Variants in FERMT2 observed in about 807,000 individuals in gnomAD.
FERMT2 encodes the protein FERM domain containing kindlin 2, also known as fermitin family homolog 2.
FERMT2 carries 15 observed loss-of-function variants against 82.7 expected under a neutral mutation model. The observed-to-expected ratio is 0.18, with a 90% CI of 0.12 to 0.28. The LOEUF is 0.28. FERMT2 is among the 10% of genes least tolerant of loss of function. The probability of loss-of-function intolerance (pLI) is 1.00; values close to 1 mark genes in which losing one functional copy is unlikely to be tolerated. For synonymous variants in FERMT2, 274 were observed against 271.5 expected, an observed-to-expected ratio of 1.01 and a Z score of -0.09; for missense variants, 645 against 809.4, an observed-to-expected ratio of 0.80 and a Z score of 2.46.
chr14:52,910,591 T>C (rs1888259999), intron 3 of FERMT2, among the ~76,000 whole-genome samples: 2 of 152,194 alleles, frequency 1.3e-5, no homozygotes, highest in Non-Finnish European at 2.9e-5. Context: ...ACAGAAGCAC[T>C]GATCTGAAAG....
chr14:52,866,360 C>T (rs929539640), intron 10 of FERMT2, among the ~76,000 whole-genome samples: 1 of 152,112 alleles, frequency 6.6e-6, no homozygotes, highest in Non-Finnish European at 1.5e-5. Flanking sequence ...TTTGAGGAAC[C>T]CTATGCTGCA....
At chr14:52,911,948 C>T (rs562424177) in intron 3 of FERMT2, among the ~76,000 whole-genome samples, 1 of 152,166 alleles carries the variant, frequency 6.6e-6, no homozygotes, top group Non-Finnish European at 1.5e-5. Context: ...TCCTGGTTTC[C>T]TCCAAATGGA....
At chr14:52,921,215 T>C (rs1446682836) in intron 2 of FERMT2, among the ~76,000 whole-genome samples, 1 of 152,210 alleles carries the variant, frequency 6.6e-6, no homozygotes, top group Non-Finnish European at 1.5e-5. Context: ...GTTCTCATTA[T>C]GGAAGAAACA....
chr14:52,861,196 TA>T, intron 12 of FERMT2: 1 of 580,042 alleles, frequency 1.7e-6, no homozygotes, highest in Non-Finnish European at 3.0e-6. Flanking sequence ...CCAAGCAAAG[TA>T]AATGCAAGAA....
At chr14:52,868,659 T>C (rs1386460321) in intron 10 of FERMT2, among the ~76,000 whole-genome samples, 3 of 152,164 alleles carry the variant, frequency 2.0e-5, no homozygotes, top group Admixed American at 6.5e-5. Flanking sequence ...CAGAAGAAGA[T>C]ACTATAGGCC....
At chr14:52,887,428 A>C (rs1344305503) in intron 4 of FERMT2, among the ~76,000 whole-genome samples, 2 of 152,054 alleles carry the variant, frequency 1.3e-5, no homozygotes, top group Non-Finnish European at 2.9e-5. Flanking sequence ...GAGGAGGATC[A>C]CTTGAGCCCA....
At chr14:52,945,187 A>G (rs1317628830) in intron 2 of FERMT2, among the ~76,000 whole-genome samples, 1 of 151,992 alleles carries the variant, frequency 6.6e-6, no homozygotes, top group Non-Finnish European at 1.5e-5. Context: ...CTAGGATTAC[A>G]GGCGTAAGTT....
At chr14:52,900,151 G>A (rs1371383565) in intron 3 of FERMT2, among the ~76,000 whole-genome samples, 1 of 151,966 alleles carries the variant, frequency 6.6e-6, no homozygotes, top group Non-Finnish European at 1.5e-5. Flanking sequence ...TGTCACCCAG[G>A]CTGGAATGAA....
chr14:52,922,405 G>T (rs1216765934), intron 2 of FERMT2, among the ~76,000 whole-genome samples: 1 of 152,108 alleles, frequency 6.6e-6, no homozygotes, highest in Non-Finnish European at 1.5e-5. Context: ...CTGCCCACCA[G>T]GAGTGCAGGT....
chr14:52,938,723 C>T (rs1192730012), intron 2 of FERMT2, among the ~76,000 whole-genome samples: 1 of 152,088 alleles, frequency 6.6e-6, no homozygotes, highest in Non-Finnish European at 1.5e-5. Context: ...TGAACCACCA[C>T]ACCCAGCTAA....
intron 3 of FERMT2, among the ~76,000 whole-genome samples, chr14:52,899,688 A>G (rs912271748): frequency 6.6e-6 from 1 of 152,230 alleles, no homozygotes; most frequent in Non-Finnish European, 1.5e-5. Context: ...CTGGGTAGCC[A>G]TTGGCTGCAT....
intron 10 of FERMT2, among the ~76,000 whole-genome samples, chr14:52,867,479 T>G (rs1229154064): frequency 1.3e-5 from 2 of 152,202 alleles, no homozygotes; most frequent in Non-Finnish European, 2.9e-5. Context: ...GCATTTTTTT[T>G]TTGTTTCCTT....
chr14:52,887,076 C>A (rs1225564081), intron 4 of FERMT2, among the ~76,000 whole-genome samples: 1 of 151,256 alleles, frequency 6.6e-6, no homozygotes, highest in South Asian at 2.1e-4. Flanking sequence ...GCATGTGATA[C>A]TTTTGTACTT....
In FERMT2 at chr14:52,878,536, C is replaced by T. The variant is rs760917553; in HGVS notation, c.963+46G>A. On this transcript the variant is annotated intron_variant, in intron 7 of 14. Transcript: ENST00000341590. ...CACTTTACTGTTTAAAAATACCTCCCTACCCTTTACCGGAATAAGTCCCAT... is the reference window on the plus strand; with the variant it reads ...CACTTTACTGTTTAAAAATACCTCCTTACCCTTTACCGGAATAAGTCCCAT... The T allele has an allele frequency of 4.4e-5, 52 of 1,171,136 alleles. No individual in the cohort carries two copies. Among genetic ancestry groups the T allele is most frequent in the Non-Finnish European group, 4.0e-5 (32 of 794,536 alleles). The allele number at this position is 1,171,136 out of a possible 1,614,324, so 72.5% of individuals were successfully genotyped here.
At chr14:52,909,517 G>A (rs937539373) in intron 3 of FERMT2, among the ~76,000 whole-genome samples, 2 of 152,214 alleles carry the variant, frequency 1.3e-5, no homozygotes, top group Admixed American at 6.5e-5. Context: ...GCTGGGCATG[G>A]TGGCTAATGC....
intron 3 of FERMT2, among the ~76,000 whole-genome samples, chr14:52,898,155 G>A (rs1394759748): frequency 6.6e-6 from 1 of 152,082 alleles, no homozygotes; most frequent in Non-Finnish European, 1.5e-5. Context: ...CACAGAGTAG[G>A]TAAATATAAC....
intron 3 of FERMT2, among the ~76,000 whole-genome samples, chr14:52,896,486 A>G (rs1887260265): frequency 6.6e-6 from 1 of 152,144 alleles, no homozygotes; most frequent in African/African-American, 2.4e-5. Context: ...TTAAGGTGGA[A>G]GCACACAGCC....
chr14:52,921,328 G>A lies in FERMT2; in HGVS notation c.158-1972C>T, dbSNP rs558408661. On this transcript the variant is annotated intron_variant, in intron 2 of 14. Coordinates refer to ENST00000341590, the MANE Select transcript of FERMT2 (RefSeq NM_006832.3). Reference sequence around the variant, plus strand: ...ATTACGGCTACAGCTACTTGTGATCGTATTACCATTTTGAAATTTCAACAT... The same window carrying A: ...ATTACGGCTACAGCTACTTGTGATCATATTACCATTTTGAAATTTCAACAT... Among the ~76,000 whole-genome samples, 10 of 152,246 alleles carry A rather than the reference G, an allele frequency of 6.6e-5. No homozygotes were observed. The East Asian group carries it at 1.5e-3, about 23-fold the overall frequency.
chr14:52,945,267 G>A (rs375728810), intron 2 of FERMT2, among the ~76,000 whole-genome samples: 6 of 151,606 alleles, frequency 4.0e-5, no homozygotes, highest in African/African-American at 1.4e-4. Flanking sequence ...GGTTGGGGGC[G>A]GGGGGACGGA....
Sources: gnomAD v4.1 joint callset for allele counts (sites outside exome capture counted in the v4.1 genomes callset) on GRCh38, gnomAD v4.1.1 for gene constraint, MANE v1.5 for transcripts, NCBI Gene and HGNC (gene_info 2026-07-23, HGNC 2026-07-21) for gene names.